Variants in KAZN observed in about 807,000 individuals in gnomAD.
The protein encoded by KAZN is kazrin.
KAZN carries 40 observed loss-of-function variants against 87.4 expected under a neutral mutation model. The ratio of observed to expected loss-of-function variants is 0.46; its 90% confidence interval spans 0.36 to 0.60. The LOEUF (loss-of-function observed/expected upper bound fraction) is 0.60, where lower values mean the gene tolerates loss of function less well. Among genes scored for constraint, KAZN ranks in the 20% least tolerant of loss-of-function variants. KAZN has a pLI of 0.00. For synonymous variants in KAZN, 466 were observed against 458.3 expected (o/e 1.02, Z -0.22); for missense variants, 898 against 1,073.9 (o/e 0.84, Z 2.29).
At chr1:14,444,809 T>C (rs1285755531) in intron 2 of KAZN, among the ~76,000 whole-genome samples, 9 of 152,170 alleles carry the variant, frequency 5.9e-5, no homozygotes, top group Non-Finnish European at 1.3e-4. Flanking sequence ...AAAACATTTA[T>C]ATATCTAATC....
At chr1:14,652,425 G>A (rs1402167668) in intron 1 of KAZN, among the ~76,000 whole-genome samples, 4 of 129,192 alleles carry the variant, frequency 3.1e-5, no homozygotes, top group African/African-American at 8.8e-5. Flanking sequence ...ATATTTATGT[G>A]TTGGTTCATT....
intron 1 of KAZN, among the ~76,000 whole-genome samples, chr1:14,094,031 C>T (rs907653953): frequency 2.0e-5 from 3 of 151,930 alleles, no homozygotes; most frequent in Non-Finnish European, 4.4e-5. Flanking sequence ...CGGAAAGGTG[C>T]GGTGAGGCTG....
In KAZN at chr1:14,377,059, G is replaced by A. The variant is rs72869066; in HGVS notation, c.249+196467G>A. Among the ~76,000 whole-genome samples, 624 of 75,220 alleles carry A rather than the reference G, an allele frequency of 8.3e-3. 7 individuals are homozygous for A. Among genetic ancestry groups the A allele is most frequent in the African/African-American group, 0.029 (596 of 20,766 alleles). 49.3% of individuals were successfully genotyped at this position (75,220 alleles called of 152,430 possible). The stretch of plus-strand genomic sequence containing the variant: ...ATGTCTTCCTGCATAATAACTAAAG[G>A]AAGGTAGCTACTTAGCCATTCTCCC... On this transcript the variant is annotated intron_variant, in intron 2 of 16. Transcript: ENST00000636203.
At chr1:13,937,927 T>C (rs1160209617) in intron 1 of KAZN, among the ~76,000 whole-genome samples, 4 of 152,210 alleles carry the variant, frequency 2.6e-5, no homozygotes, top group African/African-American at 9.6e-5. Context: ...AAACTTGTAG[T>C]ATCATTATAG....
intron 2 of KAZN, among the ~76,000 whole-genome samples, chr1:14,290,561 C>A (rs1005351041): frequency 6.6e-6 from 1 of 152,186 alleles, no homozygotes; most frequent in East Asian, 1.9e-4. Context: ...ACTGTTTGTT[C>A]TAGTTAGCCA....
chr1:14,449,573 A>AT (rs1166557511), intron 2 of KAZN, among the ~76,000 whole-genome samples: 4 of 152,172 alleles, frequency 2.6e-5, no homozygotes, highest in Non-Finnish European at 5.9e-5. Flanking sequence ...TACATATGGA[A>AT]TTTTTCGGGA....
intron 2 of KAZN, among the ~76,000 whole-genome samples, chr1:14,378,323 G>A (rs536010413): frequency 1.5e-3 from 223 of 152,268 alleles, no homozygotes; most frequent in African/African-American, 4.9e-3. Flanking sequence ...AAAAGTAAAC[G>A]GGAGGAGGAG....
At chr1:14,574,539 G>A (rs139561320) in intron 2 of KAZN, among the ~76,000 whole-genome samples, 2,340 of 152,144 alleles carry the variant, frequency 0.015, 66 homozygotes, top group African/African-American at 0.054. Flanking sequence ...CTTGTCTGCC[G>A]CCATGTAAGA....
intron 2 of KAZN, among the ~76,000 whole-genome samples, chr1:14,490,536 A>G (rs1289997562): frequency 6.6e-6 from 1 of 152,100 alleles, no homozygotes; most frequent in Non-Finnish European, 1.5e-5. Flanking sequence ...CTCTGTCACC[A>G]GGCTGGAGTG....
At chr1:14,606,946 A>G (rs1677414567) in intron 1 of KAZN, among the ~76,000 whole-genome samples, 1 of 152,182 alleles carries the variant, frequency 6.6e-6, no homozygotes, top group Non-Finnish European at 1.5e-5. Flanking sequence ...CAGTGGTGTT[A>G]GGGGAGACTT....
chr1:15,091,644 G>A (rs545603044), intron 8 of KAZN, among the ~76,000 whole-genome samples: 7 of 152,244 alleles, frequency 4.6e-5, no homozygotes, highest in Middle Eastern at 3.4e-3. Context: ...GCACCCGGCC[G>A]TGTTTTCCTT....
intron 1 of KAZN, among the ~76,000 whole-genome samples, chr1:14,935,302 G>A (rs866327197): frequency 1.3e-4 from 20 of 152,158 alleles, no homozygotes; most frequent in Middle Eastern, 6.8e-3. Context: ...GTGCGGTGGC[G>A]CAATCTTGGC....
chr1:14,563,291 T>G (rs555987605), intron 2 of KAZN, among the ~76,000 whole-genome samples: 1 of 152,328 alleles, frequency 6.6e-6, no homozygotes, highest in East Asian at 1.9e-4. Context: ...AAGGGTCATC[T>G]GGGGAGCTTG....
chr1:13,923,902 A>AT (rs1364510341), intron 1 of KAZN, among the ~76,000 whole-genome samples: 5 of 152,154 alleles, frequency 3.3e-5, no homozygotes, highest in Admixed American at 2.0e-4. Context: ...GGATTTGCTG[A>AT]TGGATTGAAT....
At chr1:14,286,920 A>T (rs1041879749) in intron 2 of KAZN, among the ~76,000 whole-genome samples, 1 of 152,158 alleles carries the variant, frequency 6.6e-6, no homozygotes, top group Non-Finnish European at 1.5e-5. Context: ...AAATTCAACT[A>T]CTTTATAGTG....
At chr1:14,532,885 G>C (rs1338449921) in intron 2 of KAZN, among the ~76,000 whole-genome samples, 1 of 151,896 alleles carries the variant, frequency 6.6e-6, no homozygotes, top group African/African-American at 2.4e-5. Context: ...GGACATTTGG[G>C]TTGGTTCCAA....
At chr1:14,505,660 A>G (rs1388110797) in intron 2 of KAZN, among the ~76,000 whole-genome samples, 2 of 152,146 alleles carry the variant, frequency 1.3e-5, no homozygotes, top group African/African-American at 4.8e-5. Flanking sequence ...TTTCATGCAC[A>G]AGGAGTTTCA....
intron 1 of KAZN, among the ~76,000 whole-genome samples, chr1:13,972,256 CT>C (rs1287161571): frequency 1.3e-5 from 2 of 149,370 alleles, no homozygotes; most frequent in African/African-American, 2.5e-5. Flanking sequence ...TGCCACCCTA[CT>C]TTTTTTCTTT....
At chr1:13,986,596 G>T (rs981470279) in intron 1 of KAZN, among the ~76,000 whole-genome samples, 1 of 152,200 alleles carries the variant, frequency 6.6e-6, no homozygotes, top group African/African-American at 2.4e-5. Flanking sequence ...AAATGACTTG[G>T]TTGGGGGTAT....
Sources: gnomAD v4.1 joint callset for allele counts (sites outside exome capture counted in the v4.1 genomes callset) on GRCh38, gnomAD v4.1.1 for gene constraint, MANE v1.5 for transcripts, NCBI Gene and HGNC (gene_info 2026-07-23, HGNC 2026-07-21) for gene names.